CDH13: variants seen among roughly 807,000 people sequenced by gnomAD.
CDH13 encodes the protein cadherin-13.
Under a neutral mutation model 63.8 loss-of-function variants are expected in CDH13, and 24 were observed. That is an observed-to-expected ratio of 0.38 (90% confidence interval 0.27 to 0.53). CDH13 has a LOEUF of 0.53. Ranked by LOEUF, CDH13 falls within the 20% of genes least tolerant of loss-of-function variation. The pLI is 0.85. For synonymous variants in CDH13, 503 were observed against 355.3 expected (o/e 1.42, Z -4.67); for missense variants, 1,049 against 903.1 (o/e 1.16, Z -2.07).
rs372267850 is a variant in CDH13 at position 83,117,764 on chromosome 16, C to G, written c.367-7621C>G. Among the ~76,000 whole-genome samples, 32 of 152,298 alleles carry G rather than the reference C, an allele frequency of 2.1e-4. No homozygotes were observed. In the East Asian group the frequency reaches 2.7e-3, roughly 13 times the overall value. On this transcript the variant is annotated intron_variant, in intron 3 of 13. Coordinates refer to ENST00000567109, the MANE Select transcript of CDH13 (RefSeq NM_001257.5). The stretch of plus-strand genomic sequence containing the variant: ...CCTGCCTTCCTGTTTCCCTGGGCCT[C>G]CACCCTCCCTTCCCACCCTCAACCC...
At chr16:83,003,353 C>T (rs879406269) in intron 2 of CDH13, among the ~76,000 whole-genome samples, 3 of 151,374 alleles carry the variant, frequency 2.0e-5, no homozygotes, top group Admixed American at 2.0e-4. Context: ...GGTAGCATTG[C>T]ATTGATAATT....
intron 1 of CDH13, among the ~76,000 whole-genome samples, chr16:82,768,794 C>A (rs2035156418): frequency 6.6e-6 from 1 of 152,182 alleles, no homozygotes; most frequent in Non-Finnish European, 1.5e-5. Context: ...ACCCAGCAGA[C>A]CATCCTCGGT....
chr16:83,513,645 G>A (rs550050336), intron 7 of CDH13, among the ~76,000 whole-genome samples: 3 of 152,196 alleles, frequency 2.0e-5, no homozygotes, highest in South Asian at 2.1e-4. Context: ...TTATAAAACC[G>A]TGAGATCTCT....
chr16:83,125,608 G>C (rs2035773848), intron 4 of CDH13, 107 bp downstream of exon 4: 1 of 622,544 alleles, frequency 1.6e-6, no homozygotes, highest in Admixed American at 2.8e-5. Flanking sequence ...GTCTTCATCT[G>C]TCTATGATAA....
chr16:83,458,643 C>A (rs1168882806), intron 6 of CDH13, among the ~76,000 whole-genome samples: 1 of 152,192 alleles, frequency 6.6e-6, no homozygotes, highest in Non-Finnish European at 1.5e-5. Context: ...TTACTGATTT[C>A]CCTTTTTCAG....
At chr16:83,603,867 T>C (rs886662771) in intron 8 of CDH13, among the ~76,000 whole-genome samples, 1 of 152,070 alleles carries the variant, frequency 6.6e-6, no homozygotes, top group African/African-American at 2.4e-5. Context: ...TCAGGAAACA[T>C]TCAGTCATGG....
At chr16:83,490,327 A>G (rs1452605976) in intron 7 of CDH13, among the ~76,000 whole-genome samples, 3 of 152,200 alleles carry the variant, frequency 2.0e-5, no homozygotes, top group Non-Finnish European at 4.4e-5. Flanking sequence ...GAATCTGCCT[A>G]CCTAATCATC....
intron 1 of CDH13, among the ~76,000 whole-genome samples, chr16:82,751,265 C>T (rs965383430): frequency 3.9e-5 from 6 of 152,112 alleles, no homozygotes; most frequent in African/African-American, 9.7e-5. Context: ...AGGGCCCATG[C>T]GTGCGAGTTA....
intron 11 of CDH13, among the ~76,000 whole-genome samples, chr16:83,764,727 A>G (rs1567581036): frequency 1.4e-5 from 2 of 139,732 alleles, no homozygotes; most frequent in African/African-American, 5.3e-5. Context: ...TTACTCTTGC[A>G]TCCTGCCTGC....
At chr16:83,708,532 C>A (rs1907498197) in intron 10 of CDH13, among the ~76,000 whole-genome samples, 1 of 152,190 alleles carries the variant, frequency 6.6e-6, no homozygotes, top group African/African-American at 2.4e-5. Flanking sequence ...TCTCTGAATT[C>A]ATAGCCTTTG....
At chr16:82,656,523 C>A (rs1911314602) in intron 1 of CDH13, among the ~76,000 whole-genome samples, 1 of 152,190 alleles carries the variant, frequency 6.6e-6, no homozygotes, top group Non-Finnish European at 1.5e-5. Flanking sequence ...CCACTATCAA[C>A]ATCCCACATC....
chr16:82,690,098 G>A lies in CDH13; in HGVS notation c.45+62961G>A, dbSNP rs550514782. Among the ~76,000 whole-genome samples the A allele has an allele frequency of 7.1e-4, 102 of 144,016 alleles. 2 individuals carry two copies. In the Middle Eastern group the frequency reaches 0.011, roughly 16 times the overall value. The allele number at this position is 144,016 out of a possible 152,430, so 94.5% of individuals were successfully genotyped here. On this transcript the variant is annotated intron_variant, in intron 1 of 13. Transcript: ENST00000567109. ...CAGGAGAATTGCTTGAACCTGGGAG[G>A]CAGAGGTTGCAGTGAGCCAAGATTG... is the stretch of plus-strand genomic sequence containing the variant.
chr16:82,693,782 G>GTA (rs1414088658), intron 1 of CDH13, among the ~76,000 whole-genome samples: 2 of 152,170 alleles, frequency 1.3e-5, no homozygotes, highest in Non-Finnish European at 2.9e-5. Context: ...GTAGAGCAAG[G>GTA]TATTTATTTT....
intron 5 of CDH13, among the ~76,000 whole-genome samples, chr16:83,318,250 G>T (rs1217721305): frequency 1.3e-5 from 2 of 152,166 alleles, no homozygotes; most frequent in Admixed American, 6.5e-5. Flanking sequence ...GTGTTTTCCT[G>T]AGTGTGGGTT....
rs1396312685 is a variant in CDH13 at position 82,628,464 on chromosome 16, G to A, written c.45+1327G>A. On this transcript the variant is annotated intron_variant, in intron 1 of 13. Transcript: ENST00000567109. ...ACTTCTAAGGGAGACCACTGTTAGA[G>A]CAATGTTGGGTTTAGACTTTGGAAA... Among the ~76,000 whole-genome samples the A allele has an allele frequency of 3.9e-5, 6 of 152,154 alleles. No individual in the cohort carries two copies. In the South Asian group the frequency reaches 8.3e-4, roughly 21 times the overall value.
rs151038472 is a variant in CDH13, at chr16:83,599,124, C to G, written c.961-3330C>G. On this transcript the variant is annotated intron_variant, in intron 7 of 13. Transcript: ENST00000567109. ...GCCCGAGGGAATTATAACATAGGTA[C>G]CAGAAGAAGAGGGAGTGGGTATCAG... Among the ~76,000 whole-genome samples, 680 of 152,238 alleles carry G rather than the reference C, an allele frequency of 4.5e-3. 2 individuals carry two copies. Among genetic ancestry groups the G allele is most frequent in the Non-Finnish European group, 7.1e-3 (485 of 68,022 alleles).
At chr16:83,729,594 T>A (rs57682554) in intron 10 of CDH13, among the ~76,000 whole-genome samples, 39,592 of 152,102 alleles carry the variant, frequency 0.26, 5,723 homozygotes, top group Middle Eastern at 0.37. Flanking sequence ...TAGCTGTGTG[T>A]CCTGGACCCA....
intron 6 of CDH13, among the ~76,000 whole-genome samples, chr16:83,356,469 C>G (rs2091059687): frequency 6.6e-6 from 1 of 152,004 alleles, no homozygotes; most frequent in African/African-American, 2.4e-5. Context: ...CAAGACAGGC[C>G]ACAAATGTCA....
rs148697158 is a variant in CDH13 at position 83,773,566 on chromosome 16, T to A, written c.1682-6402T>A. Among the ~76,000 whole-genome samples, 11 of 152,298 alleles carry A rather than the reference T, an allele frequency of 7.2e-5. No individual in the cohort carries two copies. The East Asian group carries it at 1.2e-3, about 16-fold the overall frequency. On this transcript the variant is annotated intron_variant, in intron 11 of 13. Transcript: ENST00000567109. ...AACAGCATGGGGGAAACCACCCCCA[T>A]GATCCAATCATCTCCCTCCCTCAAT...
Sources: allele counts gnomAD v4.1 joint callset (sites outside exome capture counted in the v4.1 genomes callset), GRCh38; gene constraint gnomAD v4.1.1; transcripts MANE v1.5; gene names NCBI Gene and HGNC (gene_info 2026-07-23, HGNC 2026-07-21).